Variants in SLC5A4 observed in about 807,000 individuals in gnomAD.
SLC5A4 encodes solute carrier family 5 member 4, also known as probable glucose sensor protein SLC5A4.
Under a neutral mutation model 70.3 loss-of-function variants are expected in SLC5A4, and 55 were observed. The ratio of observed to expected loss-of-function variants is 0.78; its 90% CI spans 0.63 to 0.98. SLC5A4 has a LOEUF of 0.98. SLC5A4 is among the 50% of genes least tolerant of loss of function. The pLI is 0.00. For synonymous variants in SLC5A4, 268 were observed against 305.7 expected (o/e 0.88, Z 1.29); for missense variants, 735 against 839.2 (o/e 0.88, Z 1.53).
chr22:32,333,610 C>T, the SLC5A4 span, among the ~76,000 whole-genome samples: 1 of 152,108 alleles, frequency 6.6e-6, no homozygotes, highest in African/African-American at 2.4e-5. Flanking sequence ...CATCTCCGTG[C>T]TTCCTTCAGC....
the SLC5A4 span, among the ~76,000 whole-genome samples, chr22:32,303,023 TTTAC>T: frequency 2.0e-5 from 3 of 149,068 alleles, no homozygotes; most frequent in African/African-American, 4.9e-5. Flanking sequence ...AAATAATTTG[TTTAC>T]TTATTTTTTT....
the SLC5A4 span, chr22:32,270,287 C>T: frequency 1.2e-6 from 1 of 801,024 alleles, no homozygotes; most frequent in South Asian, 1.4e-5. Flanking sequence ...CAGAACAACC[C>T]TGAGCCGGAC....
At chr22:32,309,877 C>T in the SLC5A4 span, among the ~76,000 whole-genome samples, 118 of 151,724 alleles carry the variant, frequency 7.8e-4, no homozygotes, top group African/African-American at 2.8e-3. Flanking sequence ...GCCTTTGCTG[C>T]AAGCTATCTA....
At chr22:32,252,966 T>A (rs962557224) in intron 2 of SLC5A4, among the ~76,000 whole-genome samples, 1 of 152,206 alleles carries the variant, frequency 6.6e-6, no homozygotes, top group East Asian at 1.9e-4. Flanking sequence ...TCTGCTCAGC[T>A]ACATGGGGCC....
the SLC5A4 span, among the ~76,000 whole-genome samples, chr22:32,304,792 C>G: frequency 6.6e-6 from 1 of 152,212 alleles, no homozygotes; most frequent in Admixed American, 6.5e-5. Flanking sequence ...TTGTATCTAA[C>G]AAGTCATTGC....
intron 14 of SLC5A4, 43 bp from the exon 15 acceptor site, chr22:32,218,768 C>A: frequency 6.9e-7 from 1 of 1,441,590 alleles, no homozygotes; most frequent in Non-Finnish European, 9.7e-7. Context: ...ATCTAGATCA[C>A]AAAGGAACTA....
the SLC5A4 span, among the ~76,000 whole-genome samples, chr22:32,297,668 A>C: frequency 1.8e-5 from 2 of 111,766 alleles, 1 homozygote; most frequent in Non-Finnish European, 3.9e-5. Flanking sequence ...TTCTGCTCTG[A>C]TTTTAGTTAT....
At chr22:32,334,234 AG>A in the SLC5A4 span, among the ~76,000 whole-genome samples, 2 of 152,060 alleles carry the variant, frequency 1.3e-5, no homozygotes, top group African/African-American at 4.8e-5. Flanking sequence ...CTAGCCCCTC[AG>A]GACCCACCTC....
the SLC5A4 span, among the ~76,000 whole-genome samples, chr22:32,328,000 C>T: frequency 6.6e-6 from 1 of 152,134 alleles, no homozygotes; most frequent in South Asian, 2.1e-4. Flanking sequence ...TGACCTTGGA[C>T]CAGGTCCCCA....
At chr22:32,292,701 C>A in the SLC5A4 span, among the ~76,000 whole-genome samples, 1 of 152,068 alleles carries the variant, frequency 6.6e-6, no homozygotes, top group South Asian at 2.1e-4. Context: ...TACAGTATAA[C>A]ATAACTTTTT....
chr22:32,324,842 T>A, the SLC5A4 span, among the ~76,000 whole-genome samples: 1 of 152,182 alleles, frequency 6.6e-6, no homozygotes, highest in Non-Finnish European at 1.5e-5. Context: ...GCCCAGCCCA[T>A]CAGCCCACAG....
the SLC5A4 span, among the ~76,000 whole-genome samples, chr22:32,304,462 T>C: frequency 7.2e-5 from 3 of 41,506 alleles, no homozygotes; most frequent in South Asian, 6.6e-4. Flanking sequence ...TTTTCTTTTT[T>C]GAGACAGGGT....
In SLC5A4 at chr22:32,225,787, C is replaced by T. The variant is rs1408464135; in HGVS notation, c.1317G>A (p.Val439=). ...GAGAAACTTGTACCAGTGGGACCCACACAATGCTCACAACAGTTAATAGAA... is the reference window on the plus strand; with the variant it reads ...GAGAAACTTGTACCAGTGGGACCCATACAATGCTCACAACAGTTAATAGAA... ...FVLLLTVVSI[V]WVPLVQVSQN... The change falls in exon 12 of 15, where the codon GTG becomes GTA. Residue 439 remains valine (V), a synonymous_variant. Transcript: ENST00000266086. 6.2e-7 allele frequency: 1 copy of T among 1,611,426 alleles called. No homozygotes were observed. The highest frequency in any genetic ancestry group is 1.3e-5 in the African/African-American group (1 of 74,856).
At chr22:32,269,845 T>C in the SLC5A4 span, 380 of 633,700 alleles carry the variant, frequency 6.0e-4, 3 homozygotes, top group African/African-American at 6.2e-3. This position sits in a 1 kb window ranked among gnomAD's most constrained non-coding sequence, Gnocchi z 4.1. Context: ...CAGATCTACA[T>C]GCTGACCCTC....
chr22:32,297,200 A>G, the SLC5A4 span, among the ~76,000 whole-genome samples: 9,932 of 150,632 alleles, frequency 0.066, 458 homozygotes, highest in Admixed American at 0.15. Flanking sequence ...CTCTTTTTCT[A>G]TTGATTGGAA....
the SLC5A4 span, among the ~76,000 whole-genome samples, chr22:32,332,721 A>G: frequency 6.6e-6 from 1 of 151,502 alleles, no homozygotes; most frequent in Non-Finnish European, 1.5e-5. Flanking sequence ...ACGTTCAGAC[A>G]CTTCTCGGGG....
the SLC5A4 span, among the ~76,000 whole-genome samples, chr22:32,344,067 T>C: frequency 6.6e-6 from 1 of 152,080 alleles, no homozygotes; most frequent in African/African-American, 2.4e-5. Context: ...GCTATGGCAG[T>C]GAGGGTGGAT....
the SLC5A4 span, among the ~76,000 whole-genome samples, chr22:32,332,323 C>T: frequency 6.6e-6 from 1 of 152,240 alleles, no homozygotes; most frequent in Non-Finnish European, 1.5e-5. Flanking sequence ...ACTCATGCCA[C>T]CTGACTGCCC....
intron 11 of SLC5A4, among the ~76,000 whole-genome samples, chr22:32,228,640 C>G (rs1464844696): frequency 6.6e-6 from 1 of 152,062 alleles, no homozygotes; most frequent in African/African-American, 2.4e-5. Flanking sequence ...TGTTTCCCTC[C>G]ATCTCACTTC....
Sources: gnomAD v4.1 joint callset for allele counts (sites outside exome capture counted in the v4.1 genomes callset) on GRCh38, gnomAD v4.1.1 for gene constraint, Gnocchi (gnomAD v3.1) non-coding constraint, MANE v1.5 for transcripts, NCBI Gene and HGNC (gene_info 2026-07-23, HGNC 2026-07-21) for gene names.